CPD: variants seen among roughly 807,000 people sequenced by gnomAD.
CPD encodes the protein metallocarboxypeptidase D.
CPD carries 69 observed loss-of-function variants against 138.3 expected under a neutral mutation model. The observed-to-expected ratio is 0.50, with a 90% confidence interval of 0.41 to 0.61. The LOEUF (loss-of-function observed/expected upper bound fraction) is 0.61, where lower values mean the gene tolerates loss of function less well. Ranked by LOEUF, CPD falls within the 20% of genes least tolerant of loss-of-function variation. The pLI is 0.00. For missense variants in CPD, 1,432 were observed against 1,733.3 expected, an observed-to-expected ratio of 0.83 and a Z score of 3.09; for synonymous variants, 651 against 642.1, an observed-to-expected ratio of 1.01 and a Z score of -0.21.
intron 8 of CPD, among the ~76,000 whole-genome samples, chr17:30,436,646 A>G (rs1242368051): frequency 6.6e-6 from 1 of 152,250 alleles, no homozygotes; most frequent in Non-Finnish European, 1.5e-5. Context: ...GGAAAAATTG[A>G]AACCTTACAT....
intron 2 of CPD, among the ~76,000 whole-genome samples, chr17:30,399,025 A>G (rs1281888352): frequency 1.3e-5 from 2 of 151,960 alleles, no homozygotes; most frequent in East Asian, 1.9e-4. Context: ...AGACATCACA[A>G]CTCATTAATT....
At chr17:30,428,608 T>A (rs1421123291) in intron 7 of CPD, among the ~76,000 whole-genome samples, 1 of 152,198 alleles carries the variant, frequency 6.6e-6, no homozygotes, top group East Asian at 1.9e-4. Flanking sequence ...GCATGATTAT[T>A]ATTTTTTTCT....
At chr17:30,443,057 A>G (rs564922655) in intron 10 of CPD, among the ~76,000 whole-genome samples, 1 of 152,260 alleles carries the variant, frequency 6.6e-6, no homozygotes, top group South Asian at 2.1e-4. Context: ...TTTTAAATAT[A>G]CAGAAAAGTT....
chr17:30,430,312 T>C (rs1912529141), intron 7 of CPD, among the ~76,000 whole-genome samples: 1 of 152,156 alleles, frequency 6.6e-6, no homozygotes, highest in Non-Finnish European at 1.5e-5. Flanking sequence ...CCTCAACCTC[T>C]GGTAACCACC....
chr17:30,455,976 T>C (rs1458511445), intron 15 of CPD: 2 of 382,660 alleles, frequency 5.2e-6, no homozygotes, highest in Non-Finnish European at 9.5e-6. Flanking sequence ...AGGCTACAGT[T>C]GTCCCAAAAT....
At chr17:30,410,710 G>A (rs1911941123) in intron 2 of CPD, among the ~76,000 whole-genome samples, 1 of 152,066 alleles carries the variant, frequency 6.6e-6, no homozygotes, top group Non-Finnish European at 1.5e-5. Context: ...CATTTGCTTG[G>A]TAGATCTTCC....
chr17:30,404,704 ATC>A (rs35116755), intron 2 of CPD, among the ~76,000 whole-genome samples: 39,945 of 151,732 alleles, frequency 0.26, 6,033 homozygotes, highest in Non-Finnish European at 0.34. Flanking sequence ...ATCCTTTGTC[ATC>A]TCTTTTTTTT....
chr17:30,393,201 A>C (rs944976715), intron 2 of CPD, among the ~76,000 whole-genome samples: 3 of 152,198 alleles, frequency 2.0e-5, no homozygotes, highest in African/African-American at 7.2e-5. Flanking sequence ...GCAGACAACT[A>C]TTCTTTCCCC....
At position 30,379,786 on chromosome 17, in the gene CPD, G is replaced by T; in HGVS notation, c.746+60G>T. The T allele has an allele frequency of 6.5e-6, 8 of 1,235,846 alleles. No homozygotes were observed. Among genetic ancestry groups the T allele is most frequent in the East Asian group, 3.0e-5 (1 of 33,162 alleles). The allele number at this position is 1,235,846 out of a possible 1,614,324, so 76.6% of individuals were successfully genotyped here. ...GCCTCCAAGGGCCGAGGCTGGTTCC[G>T]GCACCCAGTAGGCGCTCAGACAATG... On this transcript the variant is annotated intron_variant, in intron 1 of 20. Transcript: ENST00000225719. The surrounding 1 kb of genome is among the most constrained non-coding windows in gnomAD (Gnocchi z 7.0).
rs1319651277 is a variant in CPD at position 30,467,755 on chromosome 17, T to C, written c.*2941T>C. The C allele has an allele frequency of 3.3e-5, 5 of 152,208 alleles. No homozygotes were observed. In the South Asian group the frequency reaches 1.0e-3, roughly 32 times the overall value. The allele number at this position is 152,208 out of a possible 1,614,324, so 9.4% of individuals were successfully genotyped here. A position where few individuals can be genotyped will look rare whatever the true frequency, so the allele number is the denominator to read the frequency against. ...TCAGTAACCATGACCTGCTCCTCCA[T>C]TTCCATTTATTCTCAACATTAAATA... On this transcript the variant is annotated 3_prime_UTR_variant, in exon 21 of 21. Transcript: ENST00000225719.
intron 6 of CPD, among the ~76,000 whole-genome samples, chr17:30,425,171 C>T: frequency 6.6e-6 from 1 of 152,166 alleles, no homozygotes; most frequent in East Asian, 1.9e-4. Context: ...CTCCCACTCC[C>T]TATTAAAATG....
chr17:30,438,000 C>CA (rs1912751412), intron 8 of CPD, among the ~76,000 whole-genome samples: 1 of 89,428 alleles, frequency 1.1e-5, no homozygotes, highest in Non-Finnish European at 2.1e-5. Flanking sequence ...CCATGTGTGG[C>CA]TTTTTTTTTT....
At chr17:30,388,248 T>A (rs1247413730) in intron 2 of CPD, among the ~76,000 whole-genome samples, 1 of 152,160 alleles carries the variant, frequency 6.6e-6, no homozygotes, top group Admixed American at 6.5e-5. Flanking sequence ...CACTCCAGTC[T>A]ATGGGACTGG....
chr17:30,446,697 G>T (rs1421365698), intron 12 of CPD, among the ~76,000 whole-genome samples: 3 of 152,174 alleles, frequency 2.0e-5, no homozygotes, highest in East Asian at 3.8e-4. Context: ...ACCCAGTAAT[G>T]GGATGGCTGG....
At chr17:30,388,175 G>A (rs4795548) in intron 2 of CPD, among the ~76,000 whole-genome samples, 55,560 of 152,024 alleles carry the variant, frequency 0.37, 12,649 homozygotes, top group East Asian at 0.82. Context: ...ACCTCAGAGG[G>A]GAGGAAGTGT....
At chr17:30,421,031 A>G in intron 3 of CPD, 48 bp downstream of exon 3, 1 of 1,577,092 alleles carries the variant, frequency 6.3e-7, no homozygotes, top group Non-Finnish European at 8.7e-7. Context: ...AGGATTAAAT[A>G]AGGGAGAAAT....
chr17:30,394,176 GA>G (rs57515249), intron 2 of CPD, among the ~76,000 whole-genome samples: 1 of 88,024 alleles, frequency 1.1e-5, no homozygotes, highest in Non-Finnish European at 2.2e-5. Flanking sequence ...AAAAAAAAAA[GA>G]AAAAAAAAAG....
intron 2 of CPD, among the ~76,000 whole-genome samples, chr17:30,394,876 A>T (rs1911456066): frequency 6.8e-6 from 1 of 148,012 alleles, no homozygotes; most frequent in Non-Finnish European, 1.5e-5. Context: ...GGATTGGGAG[A>T]CAGCAAGCGA....
In CPD at chr17:30,422,948, T is replaced by A. The variant is rs1299002586; in HGVS notation, c.1582T>A (p.Ser528Thr). The change falls in exon 5 of 21, where the codon TCC becomes ACC. Residue 528 changes from serine (S) to threonine (T), a missense_variant. Physicochemically the swap from Ser to Thr is moderately conservative, Grantham distance 58 (BLOSUM62 1). Transcript: ENST00000225719. ...NEYPNITRLYSLGKSVESREL... is the reference protein window; with the variant it reads ...NEYPNITRLYTLGKSVESREL... ...ATATCCTAACATTACCCGGCTTTAT[T>A]CCTTGGGAAAATCAGTAGAGTCAAG... is the stretch of plus-strand genomic sequence containing the variant. 1 of 1,614,090 alleles carries A rather than the reference T, an allele frequency of 6.2e-7. No individual in the cohort carries two copies. The highest frequency in any genetic ancestry group is 1.7e-5 in the Admixed American group (1 of 60,026).
Sources: allele counts gnomAD v4.1 joint callset (sites outside exome capture counted in the v4.1 genomes callset), GRCh38; gene constraint gnomAD v4.1.1; non-coding constraint Gnocchi (gnomAD v3.1); transcripts MANE v1.5; gene names NCBI Gene and HGNC (gene_info 2026-07-23, HGNC 2026-07-21).